Variants in WNT6 observed in about 807,000 individuals in gnomAD.
WNT6 encodes protein Wnt-6.
In WNT6, 27 loss-of-function variants were observed where a neutral mutation model predicts 33.1. The observed-to-expected ratio is 0.82, with a 90% CI of 0.60 to 1.12. The LOEUF (loss-of-function observed/expected upper bound fraction) is 1.12, where lower values mean the gene tolerates loss of function less well. Among genes scored for constraint, WNT6 ranks in the 50% most tolerant of loss-of-function variants. The pLI is 0.00. For missense variants in WNT6, 494 were observed against 535.3 expected (o/e 0.92, Z 0.76); for synonymous variants, 249 against 242.8 (o/e 1.03, Z -0.24).
In WNT6 at chr2:218,873,101, C is replaced by G. The variant is rs556512266; in HGVS notation, c.637-283C>G. On this transcript the variant is annotated intron_variant, in intron 3 of 3. Transcript: ENST00000233948. The surrounding 1 kb of genome is among the most constrained non-coding windows in gnomAD (Gnocchi z 6.1). ...CCCCTGCTGTCCATTCTGCTTTCTCCCCCACCCCCTGCCTTTGGACCCTGG... is the reference window on the plus strand; with the variant it reads ...CCCCTGCTGTCCATTCTGCTTTCTCGCCCACCCCCTGCCTTTGGACCCTGG... Among the ~76,000 whole-genome samples the G allele has an allele frequency of 1.3e-5, 2 of 152,214 alleles. No individual in the cohort carries two copies. Among genetic ancestry groups the G allele is most frequent in the African/African-American group, 4.8e-5 (2 of 41,520 alleles).
chr2:218,859,881 C>T lies in WNT6; in HGVS notation c.-157C>T. 2.8e-6 allele frequency: 1 copy of T among 352,556 alleles called. No homozygotes were observed. The highest frequency in any genetic ancestry group is 4.2e-6 in the Non-Finnish European group (1 of 236,800). 21.8% of individuals were successfully genotyped at this position (352,556 alleles called of 1,614,324 possible). ...CTCTCCGCCTCCGCCGCGCCCTCCT[C>T]GCCCGGGATGGGCCCCCCCGCCGCC... On this transcript the variant is annotated 5_prime_UTR_variant, in exon 1 of 4. Coordinates refer to ENST00000233948, the MANE Select transcript of WNT6 (RefSeq NM_006522.4).
rs1300337175 is a variant in WNT6, at chr2:218,868,590, TCCCAGTG to T, written c.81-2436_81-2430del. On this transcript the variant is annotated intron_variant, in intron 1 of 3. Transcript: ENST00000233948. ...AGAGAGGACTCATTCCCTGCCTGATTCCCAGTGGGGGAAAAGAGCATGTTTGAGGAAA... is the reference window on the plus strand; with the variant it reads ...AGAGAGGACTCATTCCCTGCCTGATTGGGGAAAAGAGCATGTTTGAGGAAA... 3.9e-5 allele frequency among the ~76,000 whole-genome samples: 6 copies of T among 152,138 alleles called. No individual in the cohort carries two copies. In the East Asian group the frequency reaches 1.2e-3, roughly 29 times the overall value.
chr2:218,865,959 G>T (rs1944350953), intron 1 of WNT6, among the ~76,000 whole-genome samples: 1 of 138,912 alleles, frequency 7.2e-6, no homozygotes, highest in South Asian at 2.6e-4. Context: ...GGAGGCAGGG[G>T]TTAATGGAGC....
Position 218,871,062 on chromosome 2 carries a change from G to A in WNT6, c.116G>A (p.Ser39Asn), listed in dbSNP as rs1376891264. 1 of 1,613,276 alleles carries A rather than the reference G, an allele frequency of 6.2e-7. No homozygotes were observed. Among genetic ancestry groups the A allele is most frequent in the African/African-American group, 1.3e-5 (1 of 74,934 alleles). ...AGCCCCTTGGTTATGGACCCTACCAGCATCTGCAGGAAGGCACGGCGGCTG... is the reference window on the plus strand; with the variant it reads ...AGCCCCTTGGTTATGGACCCTACCAACATCTGCAGGAAGGCACGGCGGCTG... ...VGSPLVMDPTSICRKARRLAG... is the reference protein window; with the variant it reads ...VGSPLVMDPTNICRKARRLAG... The change falls in exon 2 of 4, where the codon AGC (serine) becomes AAC (asparagine). Residue 39 changes from serine (S) to asparagine (N), a missense_variant. Physicochemically the swap from Ser to Asn is conservative, Grantham distance 46. Coordinates refer to ENST00000233948, the MANE Select transcript of WNT6 (RefSeq NM_006522.4). This position sits in a 1 kb window ranked among gnomAD's most constrained non-coding sequence, Gnocchi z 6.4.
In WNT6 at chr2:218,873,911, C is replaced by T; in HGVS notation, c.*66C>T. On this transcript the variant is annotated 3_prime_UTR_variant, in exon 4 of 4. Transcript: ENST00000233948. The surrounding 1 kb of genome is among the most constrained non-coding windows in gnomAD (Gnocchi z 6.1). ...CTCGCACCTGTGGGACCTCAGGGCA[C>T]CGGCACCGGGCGCCTCTCGCCGCTC... 7.3e-7 allele frequency: 1 copy of T among 1,370,510 alleles called. No individual in the cohort carries two copies. The highest frequency in any genetic ancestry group is 2.9e-5 in the East Asian group (1 of 34,100). The allele number at this position is 1,370,510 out of a possible 1,614,324, so 84.9% of individuals were successfully genotyped here. A position where few individuals can be genotyped will look rare whatever the true frequency, so the allele number is the denominator to read the frequency against.
At chr2:218,872,284 G>A (rs1944409506) in intron 3 of WNT6, among the ~76,000 whole-genome samples, 2 of 152,200 alleles carry the variant, frequency 1.3e-5, no homozygotes, top group Non-Finnish European at 2.9e-5. Context: ...GGAAGCCAGG[G>A]GGAGTGAGAG....
chr2:218,860,684 C>T (rs1050798473), intron 1 of WNT6, among the ~76,000 whole-genome samples: 10 of 152,188 alleles, frequency 6.6e-5, no homozygotes, highest in African/African-American at 2.4e-4. Context: ...GCGGAAGGAA[C>T]CGGACCCAGG....
At chr2:218,861,534 GC>G (rs1031039195) in intron 1 of WNT6, among the ~76,000 whole-genome samples, 6 of 152,020 alleles carry the variant, frequency 3.9e-5, no homozygotes, top group African/African-American at 1.2e-4. Context: ...TATGTACAGC[GC>G]CCCCCTCACA....
In WNT6 at chr2:218,873,761, G is replaced by C. The variant is rs1446556962; in HGVS notation, c.1014G>C (p.Glu338Asp). The C allele has an allele frequency of 6.3e-7, 1 of 1,586,250 alleles. No individual in the cohort carries two copies. The stretch of plus-strand genomic sequence containing the variant: ...GCCAGGAGAGCGTGCAGCTCGAAGA[G>C]AACTGCCTGTGCCGCTTCCACTGGT... ...GHRQESVQLE[E>D]NCLCRFHWCC... Residue 338 changes from glutamate (E) to aspartate (D), a missense_variant, in exon 4 of 4, where the codon GAG becomes GAC. By Grantham distance (45) the Glu-to-Asp change is conservative. Coordinates refer to ENST00000233948, the MANE Select transcript of WNT6 (RefSeq NM_006522.4). The surrounding 1 kb of genome is among the most constrained non-coding windows in gnomAD (Gnocchi z 6.1).
chr2:218,861,843 C>T (rs1293238282), intron 1 of WNT6, among the ~76,000 whole-genome samples: 1 of 152,306 alleles, frequency 6.6e-6, no homozygotes, highest in East Asian at 1.9e-4. Flanking sequence ...GTATCACATA[C>T]ATTGGGCAAC....
At position 218,867,737 on chromosome 2, in the gene WNT6, T is replaced by G. The variant is rs1944364628; in HGVS notation, c.81-3290T>G. On this transcript the variant is annotated intron_variant, in intron 1 of 3. Coordinates refer to ENST00000233948, the MANE Select transcript of WNT6 (RefSeq NM_006522.4). The surrounding 1 kb of genome is among the most constrained non-coding windows in gnomAD (Gnocchi z 4.9). ...CTTCTCTGGGCTGATCCTAGGCCAA[T>G]GCTGACCCAAAGGCCTGAAAAGCAG... is the stretch of plus-strand genomic sequence containing the variant. Among the ~76,000 whole-genome samples, 1 of 152,212 alleles carries G rather than the reference T, an allele frequency of 6.6e-6. No individual in the cohort carries two copies.
At chr2:218,869,118 G>T (rs752173055) in intron 1 of WNT6, among the ~76,000 whole-genome samples, 1 of 152,102 alleles carries the variant, frequency 6.6e-6, no homozygotes, top group Non-Finnish European at 1.5e-5. Flanking sequence ...TCTTAAGCAC[G>T]CAGGAAGGAA....
chr2:218,864,601 C>T lies in WNT6; in HGVS notation c.80+4484C>T, dbSNP rs143322465. Among the ~76,000 whole-genome samples the T allele has an allele frequency of 1.6e-4, 24 of 152,288 alleles. No individual in the cohort carries two copies. In the East Asian group the frequency reaches 3.9e-3, roughly 24 times the overall value. On this transcript the variant is annotated intron_variant, in intron 1 of 3. Transcript: ENST00000233948. ...ATTTTCTATGAAAGAAACTAACCCT[C>T]CCCTTGTTCCACTAGGGAAAACACC...
rs148346418 is a variant in WNT6 at position 218,865,194 on chromosome 2, A to C, written c.80+5077A>C. On this transcript the variant is annotated intron_variant, in intron 1 of 3. Coordinates refer to ENST00000233948, the MANE Select transcript of WNT6 (RefSeq NM_006522.4). ...AAGCGGGGGTTCCAGAATGTGCACT[A>C]TGATGGAGAAATGCCACTGTGGAGG... Among the ~76,000 whole-genome samples, 27 of 152,304 alleles carry C rather than the reference A, an allele frequency of 1.8e-4. 1 individual carries two copies. The highest frequency in any genetic ancestry group is 6.3e-4 in the African/African-American group (26 of 41,572).
At chr2:218,869,714 C>T (rs947941116) in intron 1 of WNT6, among the ~76,000 whole-genome samples, 2 of 152,140 alleles carry the variant, frequency 1.3e-5, no homozygotes, top group South Asian at 2.1e-4. Flanking sequence ...GGTATGAATC[C>T]CTAAGGAATT....
intron 1 of WNT6, among the ~76,000 whole-genome samples, chr2:218,866,389 A>C (rs575821229): frequency 6.6e-6 from 1 of 152,276 alleles, no homozygotes; most frequent in South Asian, 2.1e-4. Flanking sequence ...TTGGTCCAGG[A>C]GCAGGGCTGG....
chr2:218,861,625 ATGT>A (rs986733264), intron 1 of WNT6, among the ~76,000 whole-genome samples: 1 of 152,138 alleles, frequency 6.6e-6, no homozygotes, highest in Non-Finnish European at 1.5e-5. Context: ...TCCAAGGAAA[ATGT>A]TGTAAAGGAA....
chr2:218,873,674 C>T lies in WNT6; in HGVS notation c.927C>T (p.Ala309=). The change falls in exon 4 of 4, where the codon GCC becomes GCT. Residue 309 remains alanine (A), a synonymous_variant. Transcript: ENST00000233948. The surrounding 1 kb of genome is among the most constrained non-coding windows in gnomAD (Gnocchi z 6.1). ...GCTCCCCCGGCACGCGCGGTCGCGC[C>T]TGCAATAGCAGCGCCCCGGACCTCA... The part of the protein sequence containing the change: ...RTGSPGTRGR[A]CNSSAPDLSG... The T allele has an allele frequency of 6.3e-7, 1 of 1,582,526 alleles. No individual in the cohort carries two copies. The highest frequency in any genetic ancestry group is 8.5e-7 in the Non-Finnish European group (1 of 1,171,652).
chr2:218,865,546 G>A (rs1389865420), intron 1 of WNT6, among the ~76,000 whole-genome samples: 2 of 152,214 alleles, frequency 1.3e-5, no homozygotes, highest in African/African-American at 4.8e-5. Flanking sequence ...CAGACAGGCG[G>A]TGAGAAGATG....
Sources: allele counts gnomAD v4.1 joint callset (sites outside exome capture counted in the v4.1 genomes callset), GRCh38; gene constraint gnomAD v4.1.1; non-coding constraint Gnocchi (gnomAD v3.1); transcripts MANE v1.5; gene names NCBI Gene and HGNC (gene_info 2026-07-23, HGNC 2026-07-21).